Variants in F11 observed in about 807,000 individuals in gnomAD.
The protein encoded by F11 is coagulation factor XI, also known as coagualtion factor XI.
F11 carries 78 observed loss-of-function variants against 76.5 expected under a neutral mutation model. That is an observed-to-expected ratio of 1.02 (90% CI 0.85 to 1.23). The LOEUF (loss-of-function observed/expected upper bound fraction) is 1.23. F11 is among the 50% of genes most tolerant of loss of function. The pLI, the probability that F11 is intolerant of heterozygous loss-of-function variation, is 0.00. For missense variants in F11, 742 were observed against 771.4 expected (o/e 0.96, Z 0.45); for synonymous variants, 278 against 276.3 (o/e 1.01, Z -0.06).
intron 11 of F11, among the ~76,000 whole-genome samples, chr4:186,284,500 C>T (rs1033546122): frequency 9.8e-5 from 15 of 152,326 alleles, no homozygotes; most frequent in South Asian, 4.1e-4. Flanking sequence ...ACCGCATTCA[C>T]ATCCCCAAGG....
rs1741441924 is a variant in F11, at chr4:186,289,492, T to A, written c.*878T>A. On this transcript the variant is annotated 3_prime_UTR_variant, in exon 15 of 15. Transcript: ENST00000403665. ...CATCCATACTACAGAGAAAAAACAA[T>A]TAGGGCGCAAATGGATAGTTACAGT... Among the ~76,000 whole-genome samples, 1 of 152,012 alleles carries A rather than the reference T, an allele frequency of 6.6e-6. No individual in the cohort carries two copies. The highest frequency in any genetic ancestry group is 1.5e-5 in the Non-Finnish European group (1 of 68,010).
At chr4:186,275,669 G>C in intron 5 of F11, 118 bp from the exon 6 acceptor site, 3 of 740,468 alleles carry the variant, frequency 4.1e-6, no homozygotes, top group East Asian at 2.7e-5. Flanking sequence ...CAGCCTCCCA[G>C]ATGGATGCTT....
chr4:186,277,243 T>A (rs1177932433), intron 7 of F11, among the ~76,000 whole-genome samples: 1 of 152,194 alleles, frequency 6.6e-6, no homozygotes, highest in Non-Finnish European at 1.5e-5. Flanking sequence ...ATTTTATGAT[T>A]TTTTTATGGC....
intron 5 of F11, 137 bp from the exon 6 acceptor site, chr4:186,275,650 C>T (rs1294281233): frequency 1.4e-5 from 10 of 695,456 alleles, no homozygotes. Context: ...GGGACCATGC[C>T]CAGCCATTCA....
At position 186,276,407 on chromosome 4, in the gene F11, T is replaced by C; in HGVS notation, c.755+17T>C. 6.2e-7 allele frequency: 1 copy of C among 1,613,352 alleles called. No homozygotes were observed. Among genetic ancestry groups the C allele is most frequent in the South Asian group, 1.1e-5 (1 of 91,056 alleles). On this transcript the variant is annotated intron_variant, in intron 7 of 14. Coordinates refer to ENST00000403665, the MANE Select transcript of F11 (RefSeq NM_000128.4). ...ATCTCAAAGGTAAGGAGTTAACAAG[T>C]AAGGATAATTTGTTATCTTCTAAAA... is the stretch of plus-strand genomic sequence containing the variant.
In F11 at chr4:186,267,148, A is replaced by C; in HGVS notation, c.12A>C (p.Leu4Phe). The C allele has an allele frequency of 1.3e-6, 2 of 1,575,912 alleles. No individual in the cohort carries two copies. Among genetic ancestry groups the C allele is most frequent in the Non-Finnish European group, 1.7e-6 (2 of 1,145,184 alleles). MIF[L>F]YQVVHFILFT... is the part of the protein sequence containing the mutation. ...TTTCTCATTGTAGGATGATTTTCTT[A>C]TATCAAGTGGTACATTTCATTTTAT... Residue 4 changes from leucine (L) to phenylalanine (F), a missense_variant, in exon 2 of 15, where the codon TTA (leucine) becomes TTC (phenylalanine). Transcript: ENST00000403665.
intron 10 of F11, chr4:186,282,432 G>GT: frequency 1.0e-6 from 1 of 985,378 alleles, no homozygotes; most frequent in Non-Finnish European, 1.2e-6. Flanking sequence ...GAATAGCTGC[G>GT]TGAGATATTT....
intron 14 of F11, among the ~76,000 whole-genome samples, 197 bp from the exon 15 acceptor site, chr4:186,288,256 A>G (rs1163246839): frequency 6.6e-6 from 1 of 152,098 alleles, no homozygotes; most frequent in Admixed American, 6.5e-5. Context: ...TGAGCAGGGA[A>G]CACAGTGTAT....
intron 10 of F11, among the ~76,000 whole-genome samples, chr4:186,283,757 G>A (rs1223697599): frequency 6.6e-6 from 1 of 152,196 alleles, no homozygotes; most frequent in Non-Finnish European, 1.5e-5. Flanking sequence ...TTTCTAACAC[G>A]TTCCCAGGTG....
chr4:186,288,515 G>A lies in F11; in HGVS notation c.1779G>A (p.Thr593=), dbSNP rs2126791307. 8 of 1,614,190 alleles carry A rather than the reference G, an allele frequency of 5.0e-6. No homozygotes were observed. The highest frequency in any genetic ancestry group is 2.2e-5 in the South Asian group (2 of 91,076). Residue 593 remains threonine (T), a synonymous_variant, in exon 15 of 15, where the codon ACG becomes ACA. Transcript: ENST00000403665. The stretch of plus-strand genomic sequence containing the variant: ...AGGTCTGGCATCTGGTAGGCATCAC[G>A]AGCTGGGGCGAAGGCTGTGCTCAAA... ...HNEVWHLVGI[T]SWGEGCAQRE...
At chr4:186,270,683 C>T (rs779219941) in intron 2 of F11, among the ~76,000 whole-genome samples, 6 of 151,866 alleles carry the variant, frequency 4.0e-5, no homozygotes, top group African/African-American at 7.3e-5. Context: ...CACGTGTGTG[C>T]GCATGTGCAC....
intron 11 of F11, among the ~76,000 whole-genome samples, 200 bp downstream of exon 11, chr4:186,284,460 T>C (rs1265623749): frequency 6.6e-6 from 1 of 152,206 alleles, no homozygotes; most frequent in Non-Finnish European, 1.5e-5. Flanking sequence ...ACAAGGCTGC[T>C]TGACTGCCTG....
chr4:186,285,688 C>A lies in F11; in HGVS notation c.1355C>A (p.Ser452Tyr). ...GTCTACAGTGGCATTTTAAATCAAT[C>A]TGAAATAAAAGAGGACACATCTTTC... Reference protein sequence around the residue: ...LRVYSGILNQSEIKEDTSFFG... With the variant: ...LRVYSGILNQYEIKEDTSFFG... The change falls in exon 12 of 15, where the codon TCT becomes TAT. Residue 452 changes from serine (S) to tyrosine (Y), a missense_variant. Ser to Tyr is a moderately radical substitution (Grantham distance 144, BLOSUM62 -2). Transcript: ENST00000403665. 2 of 1,614,082 alleles carry A rather than the reference C, an allele frequency of 1.2e-6. No homozygotes were observed. Among genetic ancestry groups the A allele is most frequent in the South Asian group, 2.2e-5 (2 of 91,076 alleles).
chr4:186,272,177 A>C (rs1740025231), intron 3 of F11, among the ~76,000 whole-genome samples: 1 of 152,198 alleles, frequency 6.6e-6, no homozygotes. Context: ...AGTACAGTAC[A>C]GTGATCCCCC....
intron 10 of F11, chr4:186,283,015 G>A (rs2126768455): frequency 1.0e-6 from 1 of 985,316 alleles, no homozygotes; most frequent in East Asian, 1.1e-4. Flanking sequence ...TCCTCCCTTA[G>A]CTCAGGACGC....
At chr4:186,270,904 C>A (rs1739905251) in intron 2 of F11, among the ~76,000 whole-genome samples, 1 of 145,056 alleles carries the variant, frequency 6.9e-6, no homozygotes, top group Non-Finnish European at 1.5e-5. Flanking sequence ...CAGGGTCTTG[C>A]CATGTTGCCC....
chr4:186,281,704 G>T (rs904144732), intron 10 of F11, among the ~76,000 whole-genome samples: 1 of 152,138 alleles, frequency 6.6e-6, no homozygotes, highest in Non-Finnish European at 1.5e-5. Context: ...ATTGCCAAAT[G>T]TCCAATATTA....
chr4:186,287,260 C>T (rs1002257902), intron 13 of F11, among the ~76,000 whole-genome samples: 3 of 151,878 alleles, frequency 2.0e-5, no homozygotes, highest in African/African-American at 7.2e-5. Context: ...AGGCGTGAGC[C>T]CCCACACCCG....
At position 186,280,368 on chromosome 4, in the gene F11, A is replaced by G. The variant is rs1740706890; in HGVS notation, c.1011A>G (p.Ala337=). ...CQFFTYTPAQ[A]SCNEGKGKCY... ...TTTTTACCTATACCCCAGCCCAAGC[A>G]TCCTGCAACGAAGGGAAGTAAGCCA... Residue 337 remains alanine (A), a synonymous_variant, in exon 9 of 15, where the codon GCA becomes GCG. Transcript: ENST00000403665. 6.2e-7 allele frequency: 1 copy of G among 1,614,226 alleles called. No homozygotes were observed. The highest frequency in any genetic ancestry group is 1.1e-5 in the South Asian group (1 of 91,088).
Sources: allele counts gnomAD v4.1 joint callset (sites outside exome capture counted in the v4.1 genomes callset), GRCh38; gene constraint gnomAD v4.1.1; transcripts MANE v1.5; gene names NCBI Gene and HGNC (gene_info 2026-07-23, HGNC 2026-07-21).